Variants in TOPBP1 observed in about 807,000 individuals in gnomAD.
The protein encoded by TOPBP1 is DNA topoisomerase II binding protein 1.
Under a neutral mutation model 167.7 loss-of-function variants are expected in TOPBP1, and 28 were observed. The observed-to-expected ratio is 0.17, with a 90% CI of 0.12 to 0.23. The LOEUF (loss-of-function observed/expected upper bound fraction) is 0.23. TOPBP1 is among the 10% of genes least tolerant of loss of function. The pLI is 1.00. For missense variants in TOPBP1, 1,554 were observed against 1,809.6 expected (o/e 0.86, Z 2.56); for synonymous variants, 598 against 611.4 (o/e 0.98, Z 0.32).
rs778316444 is a variant in TOPBP1 at position 133,657,799 on chromosome 3, C to T, written c.362G>A (p.Arg121Lys). The change falls in exon 4 of 28, where the codon AGG becomes AAG. Residue 121 changes from arginine (R) to lysine (K), a missense_variant and splice_region_variant. This residue lies in a region of TOPBP1 where 1,197 missense variants were observed against 1,351.5 expected (regional missense o/e 0.89). Coordinates refer to ENST00000260810, the MANE Select transcript of TOPBP1 (RefSeq NM_007027.4). ...ISCTSLEKEK[R>K]EEVHKYVQMM... ...AATCATCATGAGATCAATATCTACC[C>T]TTTTTTCTTTTTCCAGACTTGTACA... 1.3e-6 allele frequency: 2 copies of T among 1,533,318 alleles called. No homozygotes were observed. Among genetic ancestry groups the T allele is most frequent in the Non-Finnish European group, 1.7e-6 (2 of 1,147,396 alleles). The allele number at this position is 1,533,318 out of a possible 1,614,324, so 95.0% of individuals were successfully genotyped here. A position where few individuals can be genotyped will look rare whatever the true frequency, so the allele number is the denominator to read the frequency against.
At chr3:133,615,037 A>G (rs1308760995) in intron 23 of TOPBP1, among the ~76,000 whole-genome samples, 1 of 151,950 alleles carries the variant, frequency 6.6e-6, no homozygotes, top group East Asian at 1.9e-4. Context: ...AAAAAAGAGA[A>G]AGTTTTTCCA....
Position 133,643,187 on chromosome 3 carries a change from A to C in TOPBP1, c.2021+13T>G. On this transcript the variant is annotated intron_variant, in intron 12 of 27. Transcript: ENST00000260810. ...TACACCAATACAACAGGTGCATTAAAAATATTACATACCTTGCTCCAAGGA... is the reference window on the plus strand; with the variant it reads ...TACACCAATACAACAGGTGCATTAACAATATTACATACCTTGCTCCAAGGA... 1 of 1,558,642 alleles carries C rather than the reference A, an allele frequency of 6.4e-7. No homozygotes were observed. Among genetic ancestry groups the C allele is most frequent in the Non-Finnish European group, 8.6e-7 (1 of 1,159,400 alleles).
Position 133,655,455 on chromosome 3 carries a change from C to G in TOPBP1, c.577G>C (p.Glu193Gln). Residue 193 changes from glutamate (E) to glutamine (Q), a missense_variant, in exon 6 of 28, where the codon GAA becomes CAA. By Grantham distance (29) the Glu-to-Gln change is conservative (BLOSUM62 2). This residue lies in a region of TOPBP1 where 1,197 missense variants were observed against 1,351.5 expected (regional missense o/e 0.89). Coordinates refer to ENST00000260810, the MANE Select transcript of TOPBP1 (RefSeq NM_007027.4). ...AGAAAAATAGGACACTTGAAATCTT[C>G]CATGTTTATATCAGTATATCTAGTT... is the stretch of plus-strand genomic sequence containing the variant. The part of the protein sequence containing the change: ...KITRYTDINM[E>Q]DFKCPIFLGC... 6.4e-7 allele frequency: 1 copy of G among 1,574,746 alleles called. No individual in the cohort carries two copies. The highest frequency in any genetic ancestry group is 8.6e-7 in the Non-Finnish European group (1 of 1,160,396).
chr3:133,623,137 T>A lies in TOPBP1; in HGVS notation c.3132A>T (p.Lys1044Asn), dbSNP rs775748162. The A allele has an allele frequency of 2.5e-6, 4 of 1,612,310 alleles. No individual in the cohort carries two copies. Among genetic ancestry groups the A allele is most frequent in the Non-Finnish European group, 3.4e-6 (4 of 1,178,792 alleles). The part of the protein sequence containing the change: ...NDVDNMATNN[K>N]ESAPSNGSGK... ...CACTTCCATTTGATGGTGCTGACTC[T>A]TTATTATTGGTGGCCATATTGTCTA... Residue 1044 changes from lysine (K) to asparagine (N), a missense_variant, in exon 19 of 28, where the codon AAA (lysine) becomes AAT (asparagine). Around this residue, in one of 3 missense-constraint regions of TOPBP1, gnomAD observed 1,197 missense variants for 1,351.5 expected, o/e 0.89. Transcript: ENST00000260810.
rs1267016157 is a variant in TOPBP1 at position 133,652,587 on chromosome 3, G to A, written c.965C>T (p.Ala322Val). The A allele has an allele frequency of 6.2e-7, 1 of 1,611,012 alleles. No individual in the cohort carries two copies. Among genetic ancestry groups the A allele is most frequent in the African/African-American group, 1.3e-5 (1 of 74,814 alleles). ...SDVSNISNINASCVSESICNS... is the reference protein window; with the variant it reads ...SDVSNISNINVSCVSESICNS... ...ACATATTGATTCACTTACGCAACTT[G>A]CATTTATGTTGGAAATATTGCTGAC... is the stretch of plus-strand genomic sequence containing the variant. The change falls in exon 8 of 28, where the codon GCA becomes GTA. Residue 322 changes from alanine to valine, a missense_variant. Transcript: ENST00000260810.
chr3:133,632,087 G>A (rs143665254), intron 14 of TOPBP1, among the ~76,000 whole-genome samples: 1 of 152,206 alleles, frequency 6.6e-6, no homozygotes, highest in East Asian at 1.9e-4. Context: ...TGTACAGCCT[G>A]TGGAACTGAG....
intron 14 of TOPBP1, among the ~76,000 whole-genome samples, chr3:133,631,163 T>A (rs1935460372): frequency 6.6e-6 from 1 of 152,198 alleles, no homozygotes; most frequent in Non-Finnish European, 1.5e-5. Flanking sequence ...AACTCCAGCC[T>A]AAGTGATAAA....
At chr3:133,607,348 A>G (rs1934526604) in intron 27 of TOPBP1, among the ~76,000 whole-genome samples, 1 of 151,996 alleles carries the variant, frequency 6.6e-6, no homozygotes, top group Non-Finnish European at 1.5e-5. Flanking sequence ...TAGCTTTACT[A>G]ATGATAACCA....
At chr3:133,635,029 A>T (rs915377478) in intron 14 of TOPBP1, among the ~76,000 whole-genome samples, 3 of 152,222 alleles carry the variant, frequency 2.0e-5, no homozygotes, top group Non-Finnish European at 4.4e-5. Context: ...CTATACAGGC[A>T]ATTAGTGGGA....
At chr3:133,603,733 C>T (rs1482458559) in intron 27 of TOPBP1, among the ~76,000 whole-genome samples, 1 of 148,862 alleles carries the variant, frequency 6.7e-6, no homozygotes, top group Non-Finnish European at 1.5e-5. Context: ...ACAGACAATT[C>T]CACAAACAGC....
In TOPBP1 at chr3:133,630,674, T is replaced by C. The variant is rs142745035; in HGVS notation, c.2521-1941A>G. 4.2e-3 allele frequency among the ~76,000 whole-genome samples: 634 copies of C among 152,230 alleles called. 1 individual carries two copies. The highest frequency in any genetic ancestry group is 6.6e-3 in the Non-Finnish European group (446 of 68,006). On this transcript the variant is annotated intron_variant, in intron 14 of 27. Coordinates refer to ENST00000260810, the MANE Select transcript of TOPBP1 (RefSeq NM_007027.4). ...CTGAAGTGGCTCAATCTTAGTTCAC[T>C]GCAACCTCTGCCTCCAGGGCTCAAG...
intron 19 of TOPBP1, among the ~76,000 whole-genome samples, chr3:133,620,735 G>A (rs1935063865): frequency 6.6e-6 from 1 of 151,828 alleles, no homozygotes; most frequent in South Asian, 2.1e-4. Context: ...CACCATGCCG[G>A]GCTAATTTTT....
chr3:133,602,159 C>A (rs1934327290), intron 27 of TOPBP1, among the ~76,000 whole-genome samples: 1 of 152,052 alleles, frequency 6.6e-6, no homozygotes, highest in South Asian at 2.1e-4. Context: ...GGTGGCTGGT[C>A]TCAAAAATGA....
chr3:133,618,797 TG>T (rs1934984372), intron 20 of TOPBP1, among the ~76,000 whole-genome samples: 1 of 152,090 alleles, frequency 6.6e-6, no homozygotes, highest in East Asian at 1.9e-4. Flanking sequence ...AACAGGGTAA[TG>T]TTTCAAACAC....
chr3:133,643,337 T>G lies in TOPBP1; in HGVS notation c.1884A>C (p.Pro628=). ...TCIDYQTLFD[P]KSNPLFTPVP... Reference sequence around the variant, plus strand: ...CTGGTGTGAAGAGAGGATTCGACTTTGGATCAAACAAAGTCTGATAGTCTA... The same window carrying G: ...CTGGTGTGAAGAGAGGATTCGACTTGGGATCAAACAAAGTCTGATAGTCTA... Residue 628 remains proline, a synonymous_variant, in exon 12 of 28, where the codon CCA becomes CCC. Transcript: ENST00000260810. 2 of 1,607,162 alleles carry G rather than the reference T, an allele frequency of 1.2e-6. No individual in the cohort carries two copies. The highest frequency in any genetic ancestry group is 1.7e-6 in the Non-Finnish European group (2 of 1,177,314).
At chr3:133,648,760 T>C (rs1169396674) in intron 10 of TOPBP1, among the ~76,000 whole-genome samples, 1 of 151,760 alleles carries the variant, frequency 6.6e-6, no homozygotes, top group African/African-American at 2.4e-5. Context: ...ATCATGCCAC[T>C]ACACTCCAGC....
intron 14 of TOPBP1, 39 bp downstream of exon 14, chr3:133,637,837 A>G (rs767828954): frequency 3.1e-6 from 5 of 1,596,136 alleles, no homozygotes. Context: ...TATAAACGGT[A>G]AAACTGTTAA....
At position 133,649,829 on chromosome 3, in the gene TOPBP1, C is replaced by T. The variant is rs1936224036; in HGVS notation, c.1204G>A (p.Gly402Arg). ...LNEDVTHVIVGDYDDELKQFW... is the reference protein window; with the variant it reads ...LNEDVTHVIVRDYDDELKQFW... ...TGCTTCAATTCATCATCATAATCTC[C>T]CACAATAACATGAGTTACATCTTCA... The change falls in exon 9 of 28, where the codon GGA (glycine) becomes AGA (arginine). Residue 402 changes from glycine to arginine, a missense_variant. Gly to Arg is a moderately radical substitution (Grantham distance 125). This residue lies in a region of TOPBP1 where 1,197 missense variants were observed against 1,351.5 expected (regional missense o/e 0.89). Transcript: ENST00000260810. 2.5e-6 allele frequency: 4 copies of T among 1,612,372 alleles called. No individual in the cohort carries two copies. The highest frequency in any genetic ancestry group is 3.4e-6 in the Non-Finnish European group (4 of 1,179,528).
At position 133,637,884 on chromosome 3, in the gene TOPBP1, C is replaced by T; in HGVS notation, c.2512G>A (p.Asp838Asn). The T allele has an allele frequency of 6.2e-7, 1 of 1,613,620 alleles. No individual in the cohort carries two copies. The change falls in exon 14 of 28, where the codon GAT becomes AAT. Residue 838 changes from aspartate (D) to asparagine (N), a missense_variant. By Grantham distance (23) the Asp-to-Asn change is conservative. Around this residue, in one of 3 missense-constraint regions of TOPBP1, gnomAD observed 1,197 missense variants for 1,351.5 expected, o/e 0.89. Transcript: ENST00000260810. ...SKDKLFKPSF[D>N]VKDALAALET... ...CTGCCTATAAACCTTACCTTCACAT[C>T]AAAGGAAGGCTTGAAGAGTTTGTCC...
Sources: gnomAD v4.1 joint callset for allele counts (sites outside exome capture counted in the v4.1 genomes callset) on GRCh38, gnomAD v4.1.1 for gene constraint, gnomAD v4.1.1 regional missense constraint, MANE v1.5 for transcripts, NCBI Gene and HGNC (gene_info 2026-07-23, HGNC 2026-07-21) for gene names.